Variants in SLC8A2 observed in about 807,000 individuals in gnomAD.
SLC8A2 encodes the protein solute carrier family 8 member A2.
In SLC8A2, 14 loss-of-function variants were observed where a neutral mutation model predicts 70.2. The observed-to-expected ratio is 0.20, with a 90% CI of 0.13 to 0.31. The LOEUF (loss-of-function observed/expected upper bound fraction) is 0.31, where lower values mean the gene tolerates loss of function less well. Ranked by LOEUF, SLC8A2 falls within the 10% of genes least tolerant of loss-of-function variation. SLC8A2 has a pLI of 1.00. For missense variants in SLC8A2, 779 were observed against 1,320.1 expected (o/e 0.59, Z 6.35); for synonymous variants, 575 against 594.3 (o/e 0.97, Z 0.47).
chr19:47,470,142 C>T (rs1429894527), intron 1 of SLC8A2, among the ~76,000 whole-genome samples: 3 of 152,188 alleles, frequency 2.0e-5, no homozygotes, highest in Non-Finnish European at 2.9e-5. Context: ...TGAGCGCAGG[C>T]GCTCCCATCA....
At chr19:47,446,403 T>G (rs772721425) in intron 4 of SLC8A2, among the ~76,000 whole-genome samples, 21 of 152,158 alleles carry the variant, frequency 1.4e-4, no homozygotes, top group Non-Finnish European at 2.5e-4. Context: ...TTAGTGTACG[T>G]GTCCGTGATT....
chr19:47,461,825 G>T (rs1967398887), intron 2 of SLC8A2, among the ~76,000 whole-genome samples: 1 of 152,122 alleles, frequency 6.6e-6, no homozygotes, highest in Non-Finnish European at 1.5e-5. Context: ...TCAATAAAAA[G>T]TGATTCTAGC....
intron 6 of SLC8A2, among the ~76,000 whole-genome samples, chr19:47,439,484 G>T (rs1448394412): frequency 1.3e-5 from 2 of 152,078 alleles, no homozygotes; most frequent in East Asian, 3.9e-4. Context: ...CATGAGCCGA[G>T]ATCGCACCAT....
Position 47,430,468 on chromosome 19 carries a change from G to A in SLC8A2, c.2390-3C>T. On this transcript the variant is annotated splice_region_variant and splice_polypyrimidine_tract_variant and intron_variant, in intron 9 of 9. Transcript: ENST00000236877. The surrounding 1 kb of genome is among the most constrained non-coding windows in gnomAD (Gnocchi z 5.9). ...CGCCACCTTGCTGGCGAACGTGTCT[G>A]CGAGGCAGAGACATACAGGTCGGAG... 1 of 1,598,092 alleles carries A rather than the reference G, an allele frequency of 6.3e-7. No individual in the cohort carries two copies. Among genetic ancestry groups the A allele is most frequent in the Non-Finnish European group, 8.5e-7 (1 of 1,174,416 alleles).
intron 8 of SLC8A2, among the ~76,000 whole-genome samples, chr19:47,436,856 C>T (rs1441817319): frequency 2.0e-5 from 3 of 152,102 alleles, no homozygotes; most frequent in Non-Finnish European, 4.4e-5. Flanking sequence ...TGGTGACCCG[C>T]GCAGGTAGGA....
In SLC8A2 at chr19:47,441,271, G is replaced by A. The variant is rs372053381; in HGVS notation, c.1867+66C>T. Reference sequence around the variant, plus strand: ...CGAGCTTTAAGGAGTGCCTGCAATTGAGCCCCTGAAAGTCCCCCGACCCTG... The same window carrying A: ...CGAGCTTTAAGGAGTGCCTGCAATTAAGCCCCTGAAAGTCCCCCGACCCTG... On this transcript the variant is annotated intron_variant, in intron 5 of 9. Transcript: ENST00000236877. 10 of 1,585,832 alleles carry A rather than the reference G, an allele frequency of 6.3e-6. No individual in the cohort carries two copies. The South Asian group carries it at 8.8e-5, about 14-fold the overall frequency.
Position 47,430,212 on chromosome 19 carries a change from G to A in SLC8A2, c.2643C>T (p.Ile881=), listed in dbSNP as rs1416923803. 7 of 1,607,654 alleles carry A rather than the reference G, an allele frequency of 4.4e-6. No individual in the cohort carries two copies. The highest frequency in any genetic ancestry group is 5.9e-6 in the Non-Finnish European group (7 of 1,176,926). ...CGCGCGGGCCGCCCAGCTCGCCGCC[G>A]ATGTGCGGCCGGCGCCGGTACAGCA... ...AVLLYRRRPH[I]GGELGGPRGP... Residue 881 remains isoleucine, a synonymous_variant, in exon 10 of 10, where the codon ATC becomes ATT. Transcript: ENST00000236877. This position sits in a 1 kb window ranked among gnomAD's most constrained non-coding sequence, Gnocchi z 5.9.
At chr19:47,452,810 G>A (rs1259301457) in intron 3 of SLC8A2, among the ~76,000 whole-genome samples, 1 of 152,054 alleles carries the variant, frequency 6.6e-6, no homozygotes, top group African/African-American at 2.4e-5. Context: ...GGGTGGATGG[G>A]TCACCTGAGG....
intron 2 of SLC8A2, among the ~76,000 whole-genome samples, chr19:47,460,316 G>A (rs57497055): frequency 0.026 from 3,928 of 152,252 alleles, 145 homozygotes; most frequent in African/African-American, 0.091. Context: ...TATACAATGG[G>A]GACATTTCCA....
intron 8 of SLC8A2, among the ~76,000 whole-genome samples, chr19:47,437,030 C>G (rs964345753): frequency 1.3e-5 from 2 of 152,070 alleles, no homozygotes; most frequent in African/African-American, 4.8e-5. Flanking sequence ...AAACACAAAC[C>G]CTCCCAGCCG....
chr19:47,437,726 G>T, intron 7 of SLC8A2, 123 bp downstream of exon 7: 1 of 1,260,896 alleles, frequency 7.9e-7, no homozygotes, highest in Non-Finnish European at 1.1e-6. Flanking sequence ...TGCTGTCCGT[G>T]GTCCTGACGT....
chr19:47,451,157 T>C (rs1179969166), intron 3 of SLC8A2, among the ~76,000 whole-genome samples: 5 of 151,800 alleles, frequency 3.3e-5, no homozygotes, highest in African/African-American at 9.7e-5. Flanking sequence ...TACAGATGTG[T>C]GCCACCATGC....
Position 47,436,341 on chromosome 19 carries a change from G to A in SLC8A2, c.2110+1121C>T, listed in dbSNP as rs544490941. Among the ~76,000 whole-genome samples, 3 of 152,248 alleles carry A rather than the reference G, an allele frequency of 2.0e-5. No individual in the cohort carries two copies. In the South Asian group the frequency reaches 6.2e-4, roughly 32 times the overall value. On this transcript the variant is annotated intron_variant, in intron 8 of 9. Coordinates refer to ENST00000236877, the MANE Select transcript of SLC8A2 (RefSeq NM_015063.3). The stretch of plus-strand genomic sequence containing the variant: ...TGTGACATGTCTGTCTCCTGCACTG[G>A]GCTGTAAGCTCCATGACAGGGCCAG...
intron 1 of SLC8A2, among the ~76,000 whole-genome samples, chr19:47,469,333 C>G (rs2122657361): frequency 6.6e-6 from 1 of 152,310 alleles, no homozygotes; most frequent in East Asian, 1.9e-4. Context: ...CTCCGCCTCC[C>G]TGGCTTTCAG....
intron 1 of SLC8A2, 39 bp downstream of exon 1, chr19:47,471,750 T>C (rs1967543835): frequency 6.6e-6 from 1 of 151,924 alleles, no homozygotes; most frequent in South Asian, 2.1e-4. Flanking sequence ...CCCCGTCCTT[T>C]TCCCACGCCC....
chr19:47,429,017 C>T lies in SLC8A2; in HGVS notation c.*1072G>A, dbSNP rs1599841021. The T allele has an allele frequency of 6.7e-6, 1 of 149,564 alleles. No homozygotes were observed. Among genetic ancestry groups the T allele is most frequent in the South Asian group, 2.2e-4 (1 of 4,604 alleles). 9.3% of individuals were successfully genotyped at this position (149,564 alleles called of 1,614,324 possible). A position where few individuals can be genotyped will look rare whatever the true frequency, so the allele number is the denominator to read the frequency against. On this transcript the variant is annotated 3_prime_UTR_variant, in exon 10 of 10. Transcript: ENST00000236877. ...AGTCCCATCCCCCCACCCATCCCCA[C>T]CCCCCATCAGGCAGAGATGTGGCAG...
Position 47,430,726 on chromosome 19 carries a change from A to T in SLC8A2, c.2390-261T>A, listed in dbSNP as rs1270028407. 6.6e-6 allele frequency among the ~76,000 whole-genome samples: 1 copy of T among 151,848 alleles called. No homozygotes were observed. Among genetic ancestry groups the T allele is most frequent in the African/African-American group, 2.4e-5 (1 of 41,292 alleles). On this transcript the variant is annotated intron_variant, in intron 9 of 9. Coordinates refer to ENST00000236877, the MANE Select transcript of SLC8A2 (RefSeq NM_015063.3). This position sits in a 1 kb window ranked among gnomAD's most constrained non-coding sequence, Gnocchi z 5.9. ...TCTCTTCTATGGGACTCACTGCGTGATTTCTTTTTTTTTCCTCCGAGACGG... is the reference window on the plus strand; with the variant it reads ...TCTCTTCTATGGGACTCACTGCGTGTTTTCTTTTTTTTTCCTCCGAGACGG...
chr19:47,453,858 G>A (rs1345373116), intron 3 of SLC8A2, among the ~76,000 whole-genome samples: 3 of 152,202 alleles, frequency 2.0e-5, no homozygotes, highest in Non-Finnish European at 4.4e-5. Flanking sequence ...TTGGGAGGCG[G>A]AGGCTGCAGT....
At chr19:47,458,984 A>C (rs936829531) in intron 2 of SLC8A2, among the ~76,000 whole-genome samples, 16 of 119,094 alleles carry the variant, frequency 1.3e-4, no homozygotes, top group African/African-American at 3.0e-4. Flanking sequence ...GCCTCTCCCT[A>C]TCTCTCCCCA....
Sources: gnomAD v4.1 joint callset for allele counts (sites outside exome capture counted in the v4.1 genomes callset) on GRCh38, gnomAD v4.1.1 for gene constraint, Gnocchi (gnomAD v3.1) non-coding constraint, MANE v1.5 for transcripts, NCBI Gene and HGNC (gene_info 2026-07-23, HGNC 2026-07-21) for gene names.